Variants in ADAMTSL1 observed in about 807,000 individuals in gnomAD.
ADAMTSL1 encodes ADAMTS-like protein 1.
A neutral mutation model predicts 201.8 loss-of-function variants in ADAMTSL1; 126 were observed. That is an observed-to-expected ratio of 0.62 (90% confidence interval 0.54 to 0.72). The LOEUF is 0.72. Ranked by LOEUF, ADAMTSL1 falls within the 30% of genes least tolerant of loss-of-function variation. The pLI, the probability that ADAMTSL1 is intolerant of heterozygous loss-of-function variation, is 0.00. For missense variants in ADAMTSL1, 2,679 were observed against 2,277.8 expected (o/e 1.18, Z -3.59); for synonymous variants, 1,121 against 903.4 (o/e 1.24, Z -4.32).
At chr9:18,644,479 T>C (rs1827655817) in intron 7 of ADAMTSL1, among the ~76,000 whole-genome samples, 1 of 152,128 alleles carries the variant, frequency 6.6e-6, no homozygotes, top group Non-Finnish European at 1.5e-5. Context: ...GCTGGTGTGC[T>C]GCACCCATTA....
rs200442699 is a variant in ADAMTSL1 at position 18,574,056 on chromosome 9, C to T, written c.264C>T (p.Phe88=). The change falls in exon 4 of 29, where the codon TTC becomes TTT. Residue 88 remains phenylalanine, a synonymous_variant. Transcript: ENST00000380548. ...NVDCPPEAGD[F]RAQQCSAHND... ...ACTGCCCACCAGAAGCAGGTGATTT[C>T]CGAGCTCAGCAATGCTCAGCTCATA... 4.3e-6 allele frequency: 7 copies of T among 1,613,650 alleles called. No individual in the cohort carries two copies. Among genetic ancestry groups the T allele is most frequent in the Non-Finnish European group, 5.9e-6 (7 of 1,179,776 alleles).
chr9:18,632,924 A>G (rs1288852162), intron 5 of ADAMTSL1, among the ~76,000 whole-genome samples: 1 of 152,066 alleles, frequency 6.6e-6, no homozygotes, highest in Non-Finnish European at 1.5e-5. Flanking sequence ...CCTCTTCCTC[A>G]ACAACTTTCT....
rs191205558 is a variant in ADAMTSL1 at position 18,174,567 on chromosome 9, C to G, written c.207+10586C>G. 2.3e-3 allele frequency among the ~76,000 whole-genome samples: 346 copies of G among 151,990 alleles called. 2 individuals carry two copies. The highest frequency in any genetic ancestry group is 3.2e-3 in the Admixed American group (49 of 15,258). ...AAAATGTCCTTTTGATACAGCACAC[C>G]CTCTCCTAGAATTTTAAAATTTTCT... On this transcript the variant is annotated intron_variant, in intron 2 of 29. Transcript: ENST00000680146.
intron 15 of ADAMTSL1, among the ~76,000 whole-genome samples, chr9:18,728,680 A>G (rs1818042728): frequency 6.6e-6 from 1 of 152,202 alleles, no homozygotes; most frequent in Non-Finnish European, 1.5e-5. Context: ...GCCTATGCTG[A>G]ATGGTAAGGC....
chr9:18,134,220 A>G (rs10756941), intron 1 of ADAMTSL1, among the ~76,000 whole-genome samples: 59,829 of 152,014 alleles, frequency 0.39, 12,904 homozygotes, highest in South Asian at 0.48. Context: ...GAAAGGTTTT[A>G]GTGTGAAGAT....
chr9:18,888,228 A>G (rs1829024586), intron 24 of ADAMTSL1, among the ~76,000 whole-genome samples, 185 bp downstream of exon 24: 1 of 152,214 alleles, frequency 6.6e-6, no homozygotes, highest in African/African-American at 2.4e-5. Flanking sequence ...CAGAAGAGCC[A>G]TCATGCCCCA....
At chr9:18,425,723 G>A (rs775493320) in intron 2 of ADAMTSL1, among the ~76,000 whole-genome samples, 21 of 151,896 alleles carry the variant, frequency 1.4e-4, no homozygotes, top group Non-Finnish European at 2.9e-4. Context: ...TGAGCAGGTG[G>A]TGCATACCTG....
chr9:17,997,452 C>G (rs992986196), intron 1 of ADAMTSL1, among the ~76,000 whole-genome samples: 1 of 152,008 alleles, frequency 6.6e-6, no homozygotes, highest in South Asian at 2.1e-4. Flanking sequence ...TTTGTCACTC[C>G]TAAACACTCT....
At chr9:18,349,981 A>T (rs570893637) in intron 2 of ADAMTSL1, among the ~76,000 whole-genome samples, 2 of 152,044 alleles carry the variant, frequency 1.3e-5, no homozygotes, top group Non-Finnish European at 2.9e-5. Flanking sequence ...ACCTCCAAAG[A>T]CAAAGATACA....
At chr9:18,356,246 A>G (rs1457404087) in intron 2 of ADAMTSL1, among the ~76,000 whole-genome samples, 1 of 152,188 alleles carries the variant, frequency 6.6e-6, no homozygotes, top group Non-Finnish European at 1.5e-5. Flanking sequence ...AAATGGGAGC[A>G]GAAGTTCACA....
chr9:18,003,508 G>T (rs1019854026), intron 1 of ADAMTSL1, among the ~76,000 whole-genome samples: 3 of 152,016 alleles, frequency 2.0e-5, no homozygotes, highest in Non-Finnish European at 4.4e-5. Flanking sequence ...TTTCCCATCG[G>T]CATGACCTGT....
At chr9:17,933,408 C>T (rs1036197521) in intron 1 of ADAMTSL1, among the ~76,000 whole-genome samples, 2 of 152,080 alleles carry the variant, frequency 1.3e-5, no homozygotes, top group African/African-American at 2.4e-5. Context: ...ATTCAGAGAC[C>T]GTTTTTCCAG....
chr9:18,786,991 A>G (rs931884782), intron 19 of ADAMTSL1, among the ~76,000 whole-genome samples: 1 of 152,224 alleles, frequency 6.6e-6, no homozygotes, highest in Admixed American at 6.5e-5. Context: ...TCAGAATGGA[A>G]GTGAAGATCA....
At chr9:18,422,022 A>G (rs1818975733) in intron 2 of ADAMTSL1, among the ~76,000 whole-genome samples, 1 of 152,206 alleles carries the variant, frequency 6.6e-6, no homozygotes, top group Non-Finnish European at 1.5e-5. Context: ...TTTGTGATAC[A>G]GAACTAAATA....
At chr9:18,885,425 A>G (rs1213644307) in intron 23 of ADAMTSL1, among the ~76,000 whole-genome samples, 2 of 152,148 alleles carry the variant, frequency 1.3e-5, no homozygotes, top group African/African-American at 4.8e-5. Context: ...GTTTATTCCT[A>G]AGTATTTTCT....
intron 2 of ADAMTSL1, among the ~76,000 whole-genome samples, chr9:18,271,279 C>G (rs1008442858): frequency 3.5e-4 from 53 of 151,920 alleles, no homozygotes; most frequent in African/African-American, 1.3e-3. Flanking sequence ...TGTGCTGCAC[C>G]CATTAACTCG....
intron 2 of ADAMTSL1, among the ~76,000 whole-genome samples, chr9:18,382,977 CATCTGAAT>C (rs1563925318): frequency 6.6e-6 from 1 of 152,110 alleles, no homozygotes; most frequent in African/African-American, 2.4e-5. Context: ...AACAATAGAA[CATCTGAAT>C]AAATGTGAAG....
intron 1 of ADAMTSL1, among the ~76,000 whole-genome samples, chr9:17,957,701 T>C (rs1480834328): frequency 7.9e-5 from 12 of 152,168 alleles, no homozygotes; most frequent in Admixed American, 5.9e-4. Flanking sequence ...AATGTAATAC[T>C]GAATTAGAGC....
chr9:18,520,228 C>T (rs920248911), intron 2 of ADAMTSL1, among the ~76,000 whole-genome samples: 1 of 152,186 alleles, frequency 6.6e-6, no homozygotes, highest in African/African-American at 2.4e-5. Context: ...AGGTGCTTTC[C>T]TTGGTTCCAT....
Sources: gnomAD v4.1 joint callset for allele counts (sites outside exome capture counted in the v4.1 genomes callset) on GRCh38, gnomAD v4.1.1 for gene constraint, MANE v1.5 for transcripts, NCBI Gene and HGNC (gene_info 2026-07-23, HGNC 2026-07-21) for gene names.